The following CNTD1 variants were observed in gnomAD, a reference collection of about 807,000 sequenced individuals.
CNTD1 encodes the protein cyclin N-terminal domain-containing protein 1.
A neutral mutation model predicts 36.3 loss-of-function variants in CNTD1; 17 were observed. That is an observed-to-expected ratio of 0.47 (90% CI 0.32 to 0.70). The LOEUF (loss-of-function observed/expected upper bound fraction) is 0.70, where lower values mean the gene tolerates loss of function less well. Among genes scored for constraint, CNTD1 ranks in the 30% least tolerant of loss-of-function variants. The probability of loss-of-function intolerance (pLI) is 0.03; values close to 1 mark genes in which losing one functional copy is unlikely to be tolerated. For synonymous variants in CNTD1, 128 were observed against 153.3 expected, an observed-to-expected ratio of 0.83 and a Z score of 1.22; for missense variants, 338 against 386.1, an observed-to-expected ratio of 0.88 and a Z score of 1.04.
At position 42,809,503 on chromosome 17, in the gene CNTD1, G is replaced by C; in HGVS notation, c.961G>C (p.Ala321Pro). The C allele has an allele frequency of 6.2e-7, 1 of 1,614,188 alleles. No individual in the cohort carries two copies. The highest frequency in any genetic ancestry group is 8.5e-7 in the Non-Finnish European group (1 of 1,180,006). Residue 321 changes from alanine to proline, a missense_variant, in exon 7 of 7, where the codon GCT becomes CCT. Transcript: ENST00000588408. ...QSIPPHLAARALKTVASSNT is the reference protein window; with the variant it reads ...QSIPPHLAARPLKTVASSNT Reference sequence around the variant, plus strand: ...TATTCCTCCCCACCTGGCAGCCAGAGCTCTGAAGACTGTTGCTTCCTCTAA... The same window carrying C: ...TATTCCTCCCCACCTGGCAGCCAGACCTCTGAAGACTGTTGCTTCCTCTAA...
chr17:42,808,537 T>G (rs2054920506), intron 6 of CNTD1, among the ~76,000 whole-genome samples: 1 of 129,008 alleles, frequency 7.8e-6, no homozygotes, highest in African/African-American at 3.0e-5. Context: ...GGAGACAGAG[T>G]GAGACCCCAT....
chr17:42,799,012 G>A lies in CNTD1; in HGVS notation c.-56G>A, dbSNP rs72826975. The A allele has an allele frequency of 9.9e-3, 15,785 of 1,592,996 alleles. 92 individuals are homozygous for A. Among genetic ancestry groups the A allele is most frequent in the Non-Finnish European group, 0.012 (13,611 of 1,169,926 alleles). On this transcript the variant is annotated 5_prime_UTR_variant, in exon 1 of 7. Transcript: ENST00000588408. ...GGCAGAAGACTGGAGAGGAGCTAAGGGGGTCGGTATGTGGATCCAGTGAAC... is the reference window on the plus strand; with the variant it reads ...GGCAGAAGACTGGAGAGGAGCTAAGAGGGTCGGTATGTGGATCCAGTGAAC...
rs1421840308 is a variant in CNTD1, at chr17:42,811,584, A to G, written c.*2049A>G. 3.2e-6 allele frequency: 5 copies of G among 1,547,526 alleles called. No individual in the cohort carries two copies. In the Admixed American group the frequency reaches 1.0e-4, roughly 31 times the overall value. On this transcript the variant is annotated 3_prime_UTR_variant, in exon 7 of 7. Coordinates refer to ENST00000588408, the MANE Select transcript of CNTD1 (RefSeq NM_173478.3). The stretch of plus-strand genomic sequence containing the variant: ...CCACCATTTATACTGTTTTGCCTCC[A>G]TTATTACTGCTGCTTCAATTCTGTT...
Position 42,805,778 on chromosome 17 carries a change from T to C in CNTD1, c.474T>C (p.Thr158=). The C allele has an allele frequency of 1.9e-6, 3 of 1,614,056 alleles. No individual in the cohort carries two copies. The highest frequency in any genetic ancestry group is 1.7e-6 in the Non-Finnish European group (2 of 1,179,892). The change falls in exon 4 of 7, where the codon ACT becomes ACC. Residue 158 remains threonine, a synonymous_variant. Coordinates refer to ENST00000588408, the MANE Select transcript of CNTD1 (RefSeq NM_173478.3). The part of the protein sequence containing the change: ...NFLQALGYLH[T]KEELLESELD... ...TCCAGGCTCTAGGCTATCTACACAC[T>C]AAAGAAGAACTGCTGGAATCAGAGC...
At chr17:42,801,507 AAAAATATATATATAT>A (rs1166442988) in intron 1 of CNTD1, among the ~76,000 whole-genome samples, 1,678 of 55,336 alleles carry the variant, frequency 0.03, 107 homozygotes, top group African/African-American at 0.19. Flanking sequence ...AAAAAAAAAA[AAAAATATATATATAT>A]ATATATATAT....
chr17:42,801,885 T>G (rs2054802262), intron 1 of CNTD1, among the ~76,000 whole-genome samples: 1 of 152,076 alleles, frequency 6.6e-6, no homozygotes, highest in South Asian at 2.1e-4. Context: ...AAGGGACTTT[T>G]GGCAGCCAAG....
In CNTD1 at chr17:42,806,467, T is replaced by C. The variant is rs193041398; in HGVS notation, c.581-207T>C. On this transcript the variant is annotated intron_variant, in intron 4 of 6. Transcript: ENST00000588408. ...ATAAGATAAGAGAGGGACAACTACA[T>C]GCTAATTGTATGTATACTACAGATG... is the stretch of plus-strand genomic sequence containing the variant. Among the ~76,000 whole-genome samples the C allele has an allele frequency of 5.7e-3, 870 of 152,302 alleles. 9 individuals carry two copies. Among genetic ancestry groups the C allele is most frequent in the African/African-American group, 0.019 (803 of 41,550 alleles).
At chr17:42,804,524 A>C in intron 3 of CNTD1, 128 bp downstream of exon 3, 1 of 811,584 alleles carries the variant, frequency 1.2e-6, no homozygotes, top group Non-Finnish European at 1.9e-6. Flanking sequence ...AGTAAAAACA[A>C]CGGCCGGGCG....
chr17:42,804,550 G>A (rs1480044918), intron 3 of CNTD1, among the ~76,000 whole-genome samples, 154 bp downstream of exon 3: 1 of 152,192 alleles, frequency 6.6e-6, no homozygotes, highest in Non-Finnish European at 1.5e-5. Flanking sequence ...GCTCATGCCT[G>A]TAATCCCAGC....
At chr17:42,801,547 A>AT (rs1397593024) in intron 1 of CNTD1, among the ~76,000 whole-genome samples, 828 of 55,466 alleles carry the variant, frequency 0.015, 8 homozygotes, top group Non-Finnish European at 0.02. Context: ...ATATATATAT[A>AT]ATATATGTGT....
At position 42,809,487 on chromosome 17, in the gene CNTD1, C is replaced by T. The variant is rs752411123; in HGVS notation, c.945C>T (p.Pro315=). Residue 315 remains proline (P), a synonymous_variant, in exon 7 of 7, where the codon CCC becomes CCT. Coordinates refer to ENST00000588408, the MANE Select transcript of CNTD1 (RefSeq NM_173478.3). ...NTPGRQQSIP[P]HLAARALKTV... is the part of the protein sequence containing the mutation. ...CGGGGAGACAGCAGTCTATTCCTCC[C>T]CACCTGGCAGCCAGAGCTCTGAAGA... 27 of 1,614,084 alleles carry T rather than the reference C, an allele frequency of 1.7e-5. No homozygotes were observed. Among genetic ancestry groups the T allele is most frequent in the African/African-American group, 2.7e-5 (2 of 74,946 alleles).
chr17:42,800,588 G>T lies in CNTD1; in HGVS notation c.169+1352G>T, dbSNP rs543930580. Among the ~76,000 whole-genome samples the T allele has an allele frequency of 3.9e-5, 6 of 152,242 alleles. 1 individual carries two copies. Among genetic ancestry groups the T allele is most frequent in the African/African-American group, 1.4e-4 (6 of 41,532 alleles). ...ATTGAAGGTTTTTAAATAAGGGAGTGAAGGTTTTAAAATAAGGGATACGAT... is the reference window on the plus strand; with the variant it reads ...ATTGAAGGTTTTTAAATAAGGGAGTTAAGGTTTTAAAATAAGGGATACGAT... On this transcript the variant is annotated intron_variant, in intron 1 of 6. Coordinates refer to ENST00000588408, the MANE Select transcript of CNTD1 (RefSeq NM_173478.3).
intron 4 of CNTD1, 62 bp from the exon 5 acceptor site, chr17:42,806,612 G>A: frequency 6.5e-7 from 1 of 1,529,024 alleles, no homozygotes; most frequent in Non-Finnish European, 9.0e-7. Context: ...TGTCACAACT[G>A]TGGTTATGAT....
Position 42,800,610 on chromosome 17 carries a change from C to T in CNTD1, c.169+1374C>T, listed in dbSNP as rs536243417. On this transcript the variant is annotated intron_variant, in intron 1 of 6. Transcript: ENST00000588408. Reference sequence around the variant, plus strand: ...AGTGAAGGTTTTAAAATAAGGGATACGATGGTAACCCTGCCTTAGTAAACA... The same window carrying T: ...AGTGAAGGTTTTAAAATAAGGGATATGATGGTAACCCTGCCTTAGTAAACA... 2.6e-5 allele frequency among the ~76,000 whole-genome samples: 4 copies of T among 152,036 alleles called. No individual in the cohort carries two copies. The East Asian group carries it at 5.8e-4, about 22-fold the overall frequency.
chr17:42,809,419 T>C lies in CNTD1; in HGVS notation c.877T>C (p.Phe293Leu), dbSNP rs778688715. The change falls in exon 7 of 7, where the codon TTC (phenylalanine) becomes CTC (leucine). Residue 293 changes from phenylalanine to leucine, a missense_variant. Transcript: ENST00000588408. The stretch of plus-strand genomic sequence containing the variant: ...TATTGCCTTGGCAAGCATTGCTGAG[T>C]TCTCTTATGCAATCCTGACTCACGG... Reference protein sequence around the residue: ...TGIALASIAEFSYAILTHGVG... With the variant: ...TGIALASIAELSYAILTHGVG... 1.3e-5 allele frequency: 21 copies of C among 1,613,936 alleles called. No individual in the cohort carries two copies. The highest frequency in any genetic ancestry group is 4.0e-5 in the African/African-American group (3 of 74,918).
In CNTD1 at chr17:42,810,561, G is replaced by A; in HGVS notation, c.*1026G>A. The A allele has an allele frequency of 2.2e-6, 1 of 464,834 alleles. No homozygotes were observed. The highest frequency in any genetic ancestry group is 3.6e-6 in the Non-Finnish European group (1 of 279,230). 28.8% of individuals were successfully genotyped at this position (464,834 alleles called of 1,614,324 possible). A position where few individuals can be genotyped will look rare whatever the true frequency, so the allele number is the denominator to read the frequency against. Reference sequence around the variant, plus strand: ...TAAGAATCAAAACTGACCAGGGCTGGCAACTATAGATGGCATGTTGTAGCT... The same window carrying A: ...TAAGAATCAAAACTGACCAGGGCTGACAACTATAGATGGCATGTTGTAGCT... On this transcript the variant is annotated 3_prime_UTR_variant, in exon 7 of 7. Coordinates refer to ENST00000588408, the MANE Select transcript of CNTD1 (RefSeq NM_173478.3).
chr17:42,803,984 T>G (rs1376931004), intron 2 of CNTD1, among the ~76,000 whole-genome samples: 1 of 151,482 alleles, frequency 6.6e-6, no homozygotes, highest in Non-Finnish European at 1.5e-5. Context: ...TACAAGCATG[T>G]GCCTCCACAC....
chr17:42,807,686 A>G, intron 5 of CNTD1, 82 bp from the exon 6 acceptor site: 3 of 975,232 alleles, frequency 3.1e-6, no homozygotes, highest in Non-Finnish European at 4.9e-6. Flanking sequence ...CAAATAATTC[A>G]TAGTTGAAGT....
intron 3 of CNTD1, 156 bp from the exon 4 acceptor site, chr17:42,805,566 G>A (rs537561148): frequency 1.6e-5 from 10 of 618,054 alleles, no homozygotes; most frequent in Non-Finnish European, 2.4e-5. Flanking sequence ...GGAACTGTAA[G>A]CAATTTGGAA....
Sources: gnomAD v4.1 joint callset for allele counts (sites outside exome capture counted in the v4.1 genomes callset) on GRCh38, gnomAD v4.1.1 for gene constraint, MANE v1.5 for transcripts, NCBI Gene and HGNC (gene_info 2026-07-23, HGNC 2026-07-21) for gene names.